The following RHOBTB2 variants were observed in gnomAD, a reference collection of about 807,000 sequenced individuals.
RHOBTB2 encodes the protein rho-related BTB domain-containing protein 2.
In RHOBTB2, 39 loss-of-function variants were observed where a neutral mutation model predicts 66.5. The ratio of observed to expected loss-of-function variants is 0.59; its 90% confidence interval spans 0.45 to 0.77. The LOEUF is 0.77. RHOBTB2 is among the 30% of genes least tolerant of loss of function. The pLI is 0.00. For synonymous variants in RHOBTB2, 390 were observed against 395.0 expected (o/e 0.99, Z 0.15); for missense variants, 755 against 999.1 (o/e 0.76, Z 3.29).
intron 6 of RHOBTB2, 64 bp downstream of exon 6, chr8:23,008,175 G>T (rs140851831): frequency 0.015 from 16,535 of 1,109,236 alleles, 182 homozygotes; most frequent in Non-Finnish European, 0.019. Flanking sequence ...TACATCTGAG[G>T]CACTGCCACT....
chr8:23,000,904 G>A lies in RHOBTB2; in HGVS notation c.-11+799G>A, dbSNP rs147847049. Among the ~76,000 whole-genome samples, 3 of 151,120 alleles carry A rather than the reference G, an allele frequency of 2.0e-5. No homozygotes were observed. In the East Asian group the frequency reaches 5.9e-4, roughly 29 times the overall value. On this transcript the variant is annotated intron_variant, in intron 1 of 9. Coordinates refer to ENST00000251822, the MANE Select transcript of RHOBTB2 (RefSeq NM_015178.3). ...CCCAGGGAGATTCTGTTGTTTCCTT[G>A]ACAACCAGACTAGGGCAGCCACAGA...
At chr8:23,010,339 CTG>C (rs957582601) in intron 6 of RHOBTB2, among the ~76,000 whole-genome samples, 197 bp from the exon 7 acceptor site, 25 of 152,280 alleles carry the variant, frequency 1.6e-4, no homozygotes, top group African/African-American at 5.8e-4. Context: ...TGTCAGCAAA[CTG>C]GGGCTCAGCA....
rs775135544 is a variant in RHOBTB2, at chr8:22,999,678, C to G, written c.-438C>G. 1.6e-3 allele frequency: 1,933 copies of G among 1,226,214 alleles called. No homozygotes were observed. The highest frequency in any genetic ancestry group is 1.9e-3 in the Non-Finnish European group (1,862 of 961,312). The allele number at this position is 1,226,214 out of a possible 1,614,324, so 76.0% of individuals were successfully genotyped here. ...TGAAAAAAGGAGGTCGCGAGCGGTA[C>G]CTGGGACTGCAGCGCCAGGCGTCTT... On this transcript the variant is annotated 5_prime_UTR_variant, in exon 1 of 10. It introduces an in-frame stop codon into an upstream open reading frame of the 5' UTR. Transcript: ENST00000251822.
the RHOBTB2 span, among the ~76,000 whole-genome samples, chr8:22,973,544 C>G: frequency 6.6e-6 from 1 of 152,094 alleles, no homozygotes; most frequent in Admixed American, 6.5e-5. Flanking sequence ...TGCTCTCCCC[C>G]ATGTCAAACC....
upstream of RHOBTB2, chr8:22,994,778 T>C: frequency 3.0e-6 from 2 of 663,896 alleles, no homozygotes; most frequent in Non-Finnish European, 5.2e-6. Flanking sequence ...ATACCTTTCT[T>C]TTTGAGACAG....
chr8:22,997,565 C>G (rs1810610218), upstream of RHOBTB2, among the ~76,000 whole-genome samples: 2 of 152,208 alleles, frequency 1.3e-5, no homozygotes. Flanking sequence ...CTGGTTGAGG[C>G]TTCCAGGCTG....
rs1294364288 is a variant in RHOBTB2, at chr8:23,004,428, C to T, written c.-7C>T. ...CCGCCTCCCTCCTCTCCCTCAGGTC[C>T]CGTTTAATGGATTCTGACATGGATT... On this transcript the variant is annotated 5_prime_UTR_variant, in exon 2 of 10. Coordinates refer to ENST00000251822, the MANE Select transcript of RHOBTB2 (RefSeq NM_015178.3). This position sits in a 1 kb window ranked among gnomAD's most constrained non-coding sequence, Gnocchi z 6.4. The T allele has an allele frequency of 1.2e-5, 19 of 1,613,950 alleles. No individual in the cohort carries two copies. Among genetic ancestry groups the T allele is most frequent in the Non-Finnish European group, 1.6e-5 (19 of 1,179,970 alleles).
rs906816163 is a variant in RHOBTB2 at position 23,020,010 on chromosome 8, GAA to G, written c.*2544_*2545del. The G allele has an allele frequency of 1.2e-5, 4 of 322,296 alleles. No individual in the cohort carries two copies. Among genetic ancestry groups the G allele is most frequent in the African/African-American group, 8.7e-5 (4 of 45,982 alleles). The allele number at this position is 322,296 out of a possible 1,614,324, so 20.0% of individuals were successfully genotyped here. A position where few individuals can be genotyped will look rare whatever the true frequency, so the allele number is the denominator to read the frequency against. On this transcript the variant is annotated 3_prime_UTR_variant, in exon 10 of 10. Transcript: ENST00000251822. ...GAAACACCCCCAGGAGGCCAAGCCT[GAA>G]AACAGAGGGGAGGGAGGAAGGAAGG...
chr8:23,011,724 T>C (rs1490237295), intron 7 of RHOBTB2, among the ~76,000 whole-genome samples: 1 of 151,942 alleles, frequency 6.6e-6, no homozygotes, highest in Non-Finnish European at 1.5e-5. Context: ...GGCACTTGAG[T>C]TGCTAGTGGT....
intron 2 of RHOBTB2, among the ~76,000 whole-genome samples, chr8:22,994,023 C>A (rs1256835953): frequency 6.6e-6 from 1 of 152,246 alleles, no homozygotes; most frequent in Non-Finnish European, 1.5e-5. Flanking sequence ...TGGCCATCAG[C>A]TGGTCTTTTT....
At chr8:23,016,868 A>G (rs1436024226) in intron 9 of RHOBTB2, among the ~76,000 whole-genome samples, 1 of 152,018 alleles carries the variant, frequency 6.6e-6, no homozygotes, top group Non-Finnish European at 1.5e-5. Flanking sequence ...CTGACTCCGT[A>G]TTCCCCCTCG....
chr8:22,984,000 C>T (rs1433192218), upstream of RHOBTB2, among the ~76,000 whole-genome samples: 4 of 152,176 alleles, frequency 2.6e-5, no homozygotes, highest in African/African-American at 9.7e-5. Context: ...TCCCAAAGTG[C>T]TGGGATTACA....
chr8:23,015,736 G>A lies in RHOBTB2; in HGVS notation c.1959G>A (p.Met653Ile), dbSNP rs748674633. ...AGTTCCCCCGAGACATGAAGGCCATGTCCCCAGGTGAGCATCGGGGCCAGT... is the reference window on the plus strand; with the variant it reads ...AGTTCCCCCGAGACATGAAGGCCATATCCCCAGGTGAGCATCGGGGCCAGT... Reference protein sequence around the residue: ...CRKFPRDMKAMSPENQEYFEK... With the variant: ...CRKFPRDMKAISPENQEYFEK... The change falls in exon 9 of 10, where the codon ATG becomes ATA. Residue 653 changes from methionine to isoleucine, a missense_variant. Coordinates refer to ENST00000251822, the MANE Select transcript of RHOBTB2 (RefSeq NM_015178.3). 5 of 1,611,476 alleles carry A rather than the reference G, an allele frequency of 3.1e-6. No homozygotes were observed. Among genetic ancestry groups the A allele is most frequent in the Non-Finnish European group, 4.2e-6 (5 of 1,177,838 alleles).
intron 6 of RHOBTB2, among the ~76,000 whole-genome samples, chr8:23,009,719 A>T (rs1202400988): frequency 6.6e-6 from 1 of 152,214 alleles, no homozygotes; most frequent in Non-Finnish European, 1.5e-5. Flanking sequence ...TCTGGGAAGG[A>T]AGTACTTAAG....
the RHOBTB2 span, among the ~76,000 whole-genome samples, chr8:22,980,254 T>C: frequency 6.6e-6 from 1 of 152,162 alleles, no homozygotes; most frequent in Non-Finnish European, 1.5e-5. Flanking sequence ...TCTGATTAGT[T>C]TCCAGATATA....
In RHOBTB2 at chr8:23,007,164, G is replaced by A. The variant is rs751243247; in HGVS notation, c.919G>A (p.Gly307Ser). Reference sequence around the variant, plus strand: ...GGACCTGAGTGAGGGGGAGCTGGGGGGCCCCTCGGAGCCAGGGGGCACCCA... The same window carrying A: ...GGACCTGAGTGAGGGGGAGCTGGGGAGCCCCTCGGAGCCAGGGGGCACCCA... ...LMDLSEGELG[G>S]PSEPGGTHPE... Residue 307 changes from glycine to serine, a missense_variant, in exon 5 of 10, where the codon GGC becomes AGC. This residue lies in a region of RHOBTB2 where 247 missense variants were observed against 238.9 expected (regional missense o/e 1.03). Transcript: ENST00000251822. 6.2e-7 allele frequency: 1 copy of A among 1,604,992 alleles called. No homozygotes were observed. The highest frequency in any genetic ancestry group is 1.1e-5 in the South Asian group (1 of 90,768).
At chr8:22,956,137 T>C in the RHOBTB2 span, among the ~76,000 whole-genome samples, 4 of 152,216 alleles carry the variant, frequency 2.6e-5, no homozygotes, top group Admixed American at 2.0e-4. Context: ...CAATATACCT[T>C]ACACCCAGCT....
At chr8:22,997,501 C>T (rs1810607921), upstream of RHOBTB2, among the ~76,000 whole-genome samples, 1 of 152,102 alleles carries the variant, frequency 6.6e-6, no homozygotes, top group Non-Finnish European at 1.5e-5. Flanking sequence ...ACATTTTTGT[C>T]CAAGACCCTT....
rs1404239203 is a variant in RHOBTB2 at position 23,006,692 on chromosome 8, C to A, written c.483-36C>A. On this transcript the variant is annotated intron_variant, in intron 4 of 9. Coordinates refer to ENST00000251822, the MANE Select transcript of RHOBTB2 (RefSeq NM_015178.3). The surrounding 1 kb of genome is among the most constrained non-coding windows in gnomAD (Gnocchi z 6.1). The stretch of plus-strand genomic sequence containing the variant: ...AAGAACAGGCAGCCTCCCTCCACCA[C>A]CAACACAAGCTTGGTTTCCTTCTTG... 6.4e-7 allele frequency: 1 copy of A among 1,572,126 alleles called. No homozygotes were observed. The highest frequency in any genetic ancestry group is 1.2e-5 in the South Asian group (1 of 85,032).
Sources: allele counts gnomAD v4.1 joint callset (sites outside exome capture counted in the v4.1 genomes callset), GRCh38; gene constraint gnomAD v4.1.1; regional missense constraint gnomAD v4.1.1; non-coding constraint Gnocchi (gnomAD v3.1); transcripts MANE v1.5; gene names NCBI Gene and HGNC (gene_info 2026-07-23, HGNC 2026-07-21).